The following NKAIN2 variants were observed in gnomAD, a reference collection of about 807,000 sequenced individuals.
NKAIN2 encodes sodium/potassium transporting ATPase interacting 2.
A neutral mutation model predicts 32.6 loss-of-function variants in NKAIN2; 14 were observed. The ratio of observed to expected loss-of-function variants is 0.43; its 90% CI spans 0.28 to 0.67. NKAIN2 has a LOEUF of 0.67. NKAIN2 is among the 30% of genes least tolerant of loss of function. The pLI is 0.17. For missense variants in NKAIN2, 198 were observed against 258.3 expected, an observed-to-expected ratio of 0.77 and a Z score of 1.60; for synonymous variants, 80 against 87.2, an observed-to-expected ratio of 0.92 and a Z score of 0.46.
At chr6:124,633,574 A>T (rs1583556290) in intron 3 of NKAIN2, among the ~76,000 whole-genome samples, 2 of 152,326 alleles carry the variant, frequency 1.3e-5, no homozygotes, top group East Asian at 1.9e-4. Context: ...TCTTGTGGTC[A>T]TGTTTCCATA....
intron 2 of NKAIN2, among the ~76,000 whole-genome samples, chr6:124,300,178 G>C (rs562461600): frequency 1.3e-5 from 2 of 152,112 alleles, no homozygotes; most frequent in Admixed American, 6.6e-5. Context: ...GTGTCAAGTG[G>C]GGGGGCCAGG....
intron 1 of NKAIN2, among the ~76,000 whole-genome samples, chr6:124,098,150 T>G (rs1014399098): frequency 6.6e-6 from 1 of 152,192 alleles, no homozygotes; most frequent in African/African-American, 2.4e-5. Flanking sequence ...CTTAAAAAGA[T>G]AACTAAATGG....
intron 2 of NKAIN2, among the ~76,000 whole-genome samples, chr6:124,285,263 G>A (rs748074835): frequency 2.6e-5 from 4 of 152,114 alleles, no homozygotes; most frequent in Non-Finnish European, 4.4e-5. Flanking sequence ...TCCTGGGTTA[G>A]AAATATATCC....
chr6:123,903,042 CAAAG>C (rs1774680293), intron 1 of NKAIN2, among the ~76,000 whole-genome samples: 1 of 152,028 alleles, frequency 6.6e-6, no homozygotes, highest in African/African-American at 2.4e-5. Flanking sequence ...TTTCAAGAAA[CAAAG>C]AAGGAGACAT....
chr6:124,504,544 A>G (rs936070945), intron 3 of NKAIN2, among the ~76,000 whole-genome samples: 2 of 152,202 alleles, frequency 1.3e-5, no homozygotes, highest in South Asian at 4.1e-4. Context: ...ATTGTTTCTC[A>G]ACACTGAATT....
chr6:124,016,191 C>T (rs940181811), intron 1 of NKAIN2, among the ~76,000 whole-genome samples: 1 of 152,066 alleles, frequency 6.6e-6, no homozygotes, highest in African/African-American at 2.4e-5. Flanking sequence ...AAACAAAATA[C>T]ACCTTTATAT....
intron 2 of NKAIN2, among the ~76,000 whole-genome samples, chr6:124,333,868 A>G (rs560121090): frequency 2.0e-5 from 3 of 152,286 alleles, no homozygotes; most frequent in East Asian, 3.9e-4. Context: ...AGGATATTTT[A>G]TTGGATACTA....
At chr6:124,400,638 T>A (rs1370544689) in intron 3 of NKAIN2, among the ~76,000 whole-genome samples, 2 of 152,202 alleles carry the variant, frequency 1.3e-5, no homozygotes, top group African/African-American at 4.8e-5. Flanking sequence ...TTCTTTCTTT[T>A]TTCTCTTCAA....
At chr6:123,937,978 G>A (rs992610396) in intron 1 of NKAIN2, among the ~76,000 whole-genome samples, 1 of 19,242 alleles carries the variant, frequency 5.2e-5, no homozygotes, top group Non-Finnish European at 8.9e-5. Flanking sequence ...CTCCTCTTGG[G>A]CCTTGAACAT....
At chr6:124,221,045 A>G (rs570274800) in intron 1 of NKAIN2, among the ~76,000 whole-genome samples, 1 of 152,266 alleles carries the variant, frequency 6.6e-6, no homozygotes, top group South Asian at 2.1e-4. Context: ...TACTGAGGAG[A>G]AAATCAGCTT....
At chr6:124,430,669 CA>C (rs34585136) in intron 3 of NKAIN2, among the ~76,000 whole-genome samples, 48,564 of 145,742 alleles carry the variant, frequency 0.33, 8,744 homozygotes, top group African/African-American at 0.5. Context: ...ATGTATATTT[CA>C]AAAAAAAAAA....
At chr6:124,041,349 T>C (rs1781864257) in intron 1 of NKAIN2, among the ~76,000 whole-genome samples, 1 of 152,060 alleles carries the variant, frequency 6.6e-6, no homozygotes, top group Admixed American at 6.6e-5. Context: ...CTTCTGCCTT[T>C]TAAAACTGTG....
intron 3 of NKAIN2, among the ~76,000 whole-genome samples, chr6:124,539,926 G>T (rs898030578): frequency 1.3e-5 from 2 of 152,114 alleles, no homozygotes; most frequent in African/African-American, 4.8e-5. Flanking sequence ...TCACTGTGTT[G>T]CCCAGGCTGG....
intron 1 of NKAIN2, among the ~76,000 whole-genome samples, chr6:123,855,736 C>T (rs569695045): frequency 1.3e-5 from 2 of 152,278 alleles, no homozygotes; most frequent in East Asian, 3.9e-4. Context: ...ATTTGTGTAT[C>T]CTGCATATAA....
chr6:124,296,183 T>C (rs1796047661), intron 2 of NKAIN2, among the ~76,000 whole-genome samples: 1 of 152,108 alleles, frequency 6.6e-6, no homozygotes, highest in Admixed American at 6.6e-5. Flanking sequence ...CTTCTCCTTG[T>C]ATATTAGAGT....
At chr6:124,680,668 G>C (rs915791168) in intron 4 of NKAIN2, among the ~76,000 whole-genome samples, 2 of 151,782 alleles carry the variant, frequency 1.3e-5, no homozygotes, top group African/African-American at 4.8e-5. Context: ...AAATAATAAG[G>C]GAATTACAAG....
At chr6:124,482,549 T>G (rs1777496015) in intron 3 of NKAIN2, among the ~76,000 whole-genome samples, 1 of 152,302 alleles carries the variant, frequency 6.6e-6, no homozygotes, top group South Asian at 2.1e-4. Flanking sequence ...GGCGAAATCC[T>G]TAAGAGAACA....
At chr6:124,224,991 A>G (rs992787115) in intron 1 of NKAIN2, among the ~76,000 whole-genome samples, 7 of 152,072 alleles carry the variant, frequency 4.6e-5, no homozygotes, top group African/African-American at 1.4e-4. Context: ...AGGTAACTAA[A>G]AAGTGAAAAC....
chr6:124,060,586 C>A (rs191861898), intron 1 of NKAIN2, among the ~76,000 whole-genome samples: 1 of 152,020 alleles, frequency 6.6e-6, no homozygotes, highest in Non-Finnish European at 1.5e-5. Context: ...GAACACCGTT[C>A]GCCAAAATGT....
Sources: allele counts gnomAD v4.1 joint callset (sites outside exome capture counted in the v4.1 genomes callset), GRCh38; gene constraint gnomAD v4.1.1; transcripts MANE v1.5; gene names NCBI Gene and HGNC (gene_info 2026-07-23, HGNC 2026-07-21).